COL21A1: variants seen among roughly 807,000 people sequenced by gnomAD.
The protein encoded by COL21A1 is collagen type XXI alpha 1 chain, also known as collagen alpha-1(XXI) chain.
In COL21A1, 149 loss-of-function variants were observed where a neutral mutation model predicts 137.9. The observed-to-expected ratio is 1.08, with a 90% CI of 0.95 to 1.24. The LOEUF (loss-of-function observed/expected upper bound fraction) is 1.24. Among genes scored for constraint, COL21A1 ranks in the 50% most tolerant of loss-of-function variants. The pLI is 0.00. For missense variants in COL21A1, 1,167 were observed against 1,158.4 expected, an observed-to-expected ratio of 1.01 and a Z score of -0.11; for synonymous variants, 456 against 391.5, an observed-to-expected ratio of 1.16 and a Z score of -1.95.
At chr6:56,327,838 G>T (rs1765131231) in intron 1 of COL21A1, among the ~76,000 whole-genome samples, 1 of 152,016 alleles carries the variant, frequency 6.6e-6, no homozygotes, top group Non-Finnish European at 1.5e-5. Context: ...TTGCTATGAA[G>T]AATAATGAGA....
chr6:56,391,650 T>G (rs909740049), intron 1 of COL21A1, among the ~76,000 whole-genome samples: 32 of 152,162 alleles, frequency 2.1e-4, no homozygotes, highest in African/African-American at 7.5e-4. Flanking sequence ...GAGACCATTA[T>G]GAGCAACCAC....
chr6:56,113,462 G>A (rs1226521785), intron 16 of COL21A1, among the ~76,000 whole-genome samples: 1 of 152,090 alleles, frequency 6.6e-6, no homozygotes, highest in Non-Finnish European at 1.5e-5. Context: ...CACACCCTGG[G>A]CCAGAAGTAA....
chr6:56,315,467 G>T (rs1276606226), intron 1 of COL21A1, among the ~76,000 whole-genome samples: 1 of 152,146 alleles, frequency 6.6e-6, no homozygotes, highest in Non-Finnish European at 1.5e-5. Context: ...TACGTAAAAA[G>T]AAGAGAAAGA....
upstream of COL21A1, among the ~76,000 whole-genome samples, chr6:56,248,076 T>C (rs1782747923): frequency 6.6e-6 from 1 of 152,230 alleles, no homozygotes; most frequent in African/African-American, 2.4e-5. Context: ...TTTAAGGGTT[T>C]AGCAATTACA....
At chr6:56,234,775 CT>C (rs1280110422) in intron 1 of COL21A1, among the ~76,000 whole-genome samples, 1 of 151,840 alleles carries the variant, frequency 6.6e-6, no homozygotes, top group Non-Finnish European at 1.5e-5. Flanking sequence ...CTTAATCACT[CT>C]TGTCATGCTT....
At chr6:56,279,608 A>G (rs1763747656) in intron 1 of COL21A1, among the ~76,000 whole-genome samples, 1 of 152,222 alleles carries the variant, frequency 6.6e-6, no homozygotes, top group Non-Finnish European at 1.5e-5. Context: ...TTCTGGAAAT[A>G]CTTAAGGGTG....
At chr6:56,096,865 C>A (rs968595578) in intron 17 of COL21A1, among the ~76,000 whole-genome samples, 3 of 152,122 alleles carry the variant, frequency 2.0e-5, no homozygotes, top group South Asian at 4.1e-4. Context: ...CTACTTAAAA[C>A]CATTATTTCC....
chr6:56,125,499 T>C (rs745437466), intron 14 of COL21A1, 68 bp downstream of exon 14: 15 of 1,115,916 alleles, frequency 1.3e-5, no homozygotes, highest in Non-Finnish European at 2.0e-5. Flanking sequence ...AGAACTGCAA[T>C]TCTAGTTTTC....
chr6:56,369,217 A>C (rs1202187949), intron 1 of COL21A1, among the ~76,000 whole-genome samples: 1 of 152,132 alleles, frequency 6.6e-6, no homozygotes. Flanking sequence ...AATACTAGTA[A>C]AAAGTGGAAG....
At chr6:56,318,941 C>T (rs1377417040) in intron 1 of COL21A1, among the ~76,000 whole-genome samples, 1 of 152,016 alleles carries the variant, frequency 6.6e-6, no homozygotes, top group African/African-American at 2.4e-5. Context: ...CACACACACA[C>T]ACACACTCTT....
chr6:56,360,706 T>C (rs146238082), intron 1 of COL21A1, among the ~76,000 whole-genome samples: 25 of 152,352 alleles, frequency 1.6e-4, no homozygotes, highest in Middle Eastern at 6.8e-3. Flanking sequence ...AATATGATTC[T>C]ATAAGTCTCA....
chr6:56,160,240 T>C (rs958066023), intron 9 of COL21A1, among the ~76,000 whole-genome samples: 1 of 152,260 alleles, frequency 6.6e-6, no homozygotes, highest in Non-Finnish European at 1.5e-5. Flanking sequence ...TGTTATGTGC[T>C]AAGCACTGGT....
chr6:56,271,246 T>G (rs1368423031), intron 1 of COL21A1, among the ~76,000 whole-genome samples: 1 of 152,208 alleles, frequency 6.6e-6, no homozygotes, highest in Non-Finnish European at 1.5e-5. Context: ...TCACTCTTGT[T>G]ATGCATTAGC....
intron 1 of COL21A1, among the ~76,000 whole-genome samples, chr6:56,301,431 T>C (rs1396494488): frequency 6.6e-6 from 1 of 152,198 alleles, no homozygotes; most frequent in African/African-American, 2.4e-5. Flanking sequence ...TTTCTACCAA[T>C]ACCTTGGTCT....
chr6:56,142,358 A>G (rs184413122), intron 10 of COL21A1, among the ~76,000 whole-genome samples: 98 of 152,334 alleles, frequency 6.4e-4, no homozygotes, highest in African/African-American at 2.2e-3. Flanking sequence ...GTATTTGTAA[A>G]CCACCTAATT....
intron 1 of COL21A1, among the ~76,000 whole-genome samples, chr6:56,281,657 C>T (rs1249265006): frequency 6.6e-6 from 1 of 152,172 alleles, no homozygotes; most frequent in Non-Finnish European, 1.5e-5. Flanking sequence ...TCCCCATTAG[C>T]TTTGTGCTGC....
intron 1 of COL21A1, among the ~76,000 whole-genome samples, chr6:56,333,418 T>C (rs1418319633): frequency 1.3e-5 from 2 of 152,042 alleles, no homozygotes; most frequent in Non-Finnish European, 2.9e-5. Flanking sequence ...ATTCCTCTGA[T>C]CAGCATAATT....
At chr6:56,302,240 A>G in intron 1 of COL21A1, among the ~76,000 whole-genome samples, 1 of 151,894 alleles carries the variant, frequency 6.6e-6, no homozygotes. Context: ...TTGGGTATAT[A>G]CCCAGTAATG....
At chr6:56,381,804 T>G (rs189509796) in intron 1 of COL21A1, among the ~76,000 whole-genome samples, 1 of 152,336 alleles carries the variant, frequency 6.6e-6, no homozygotes, top group African/African-American at 2.4e-5. Flanking sequence ...TTAATGAAGC[T>G]GAAAGTGACA....
Sources: gnomAD v4.1 joint callset for allele counts (sites outside exome capture counted in the v4.1 genomes callset) on GRCh38, gnomAD v4.1.1 for gene constraint, MANE v1.5 for transcripts, NCBI Gene and HGNC (gene_info 2026-07-23, HGNC 2026-07-21) for gene names.